Variants in TMEM163 observed in about 807,000 individuals in gnomAD.
TMEM163 encodes the protein transmembrane protein 163.
Under a neutral mutation model 29.3 loss-of-function variants are expected in TMEM163, and 17 were observed. The observed-to-expected ratio is 0.58, with a 90% CI of 0.40 to 0.87. TMEM163 has a LOEUF of 0.87. Ranked by LOEUF, TMEM163 falls within the 40% of genes least tolerant of loss-of-function variation. TMEM163 has a pLI of 0.00. For missense variants in TMEM163, 303 were observed against 381.5 expected (o/e 0.79, Z 1.71); for synonymous variants, 157 against 160.6 (o/e 0.98, Z 0.17).
intron 4 of TMEM163, among the ~76,000 whole-genome samples, chr2:134,519,751 C>T (rs1038603770): frequency 3.3e-5 from 5 of 151,048 alleles, no homozygotes; most frequent in African/African-American, 7.3e-5. Context: ...ATCCACCAGG[C>T]GTGGTGGTAT....
chr2:134,646,107 G>A (rs1018651550), intron 2 of TMEM163, among the ~76,000 whole-genome samples: 1 of 144,286 alleles, frequency 6.9e-6, no homozygotes, highest in Non-Finnish European at 1.5e-5. Flanking sequence ...TTTTTTTTTA[G>A]ACAGTCTCAC....
chr2:134,539,555 G>C (rs948575855), intron 4 of TMEM163, among the ~76,000 whole-genome samples: 2 of 152,168 alleles, frequency 1.3e-5, no homozygotes, highest in African/African-American at 4.8e-5. Flanking sequence ...AAGTATGCTT[G>C]ATATGATTAC....
At chr2:134,644,959 T>A (rs1683302070) in intron 2 of TMEM163, among the ~76,000 whole-genome samples, 1 of 152,110 alleles carries the variant, frequency 6.6e-6, no homozygotes, top group African/African-American at 2.4e-5. Context: ...TTAAAAGCCT[T>A]GAAAAGCCAC....
At chr2:134,690,589 C>T (rs192561635) in intron 2 of TMEM163, among the ~76,000 whole-genome samples, 8 of 152,282 alleles carry the variant, frequency 5.3e-5, no homozygotes, top group Non-Finnish European at 1.2e-4. Flanking sequence ...CAGCCTATAT[C>T]GGCAATTTAT....
chr2:134,577,811 G>T (rs182228237), intron 2 of TMEM163, among the ~76,000 whole-genome samples: 145 of 145,472 alleles, frequency 1.0e-3, no homozygotes, highest in Non-Finnish European at 2.1e-4. Flanking sequence ...GAAAACATGT[G>T]GGGGGGAAAA....
At chr2:134,478,428 C>G (rs957953118) in intron 5 of TMEM163, among the ~76,000 whole-genome samples, 2 of 152,118 alleles carry the variant, frequency 1.3e-5, no homozygotes, top group African/African-American at 2.4e-5. Context: ...GAAGGCCAGG[C>G]TGAAGAGGTC....
At chr2:134,686,827 G>A (rs1407094297) in intron 2 of TMEM163, among the ~76,000 whole-genome samples, 1 of 152,130 alleles carries the variant, frequency 6.6e-6, no homozygotes, top group Non-Finnish European at 1.5e-5. Flanking sequence ...GACAAAGGGC[G>A]ATTTATTACT....
At chr2:134,709,629 C>T (rs895277068) in intron 2 of TMEM163, among the ~76,000 whole-genome samples, 1 of 152,096 alleles carries the variant, frequency 6.6e-6, no homozygotes, top group African/African-American at 2.4e-5. Context: ...ACTTGTAAAC[C>T]GCAAATAAAA....
At chr2:134,525,986 G>A (rs974277269) in intron 4 of TMEM163, among the ~76,000 whole-genome samples, 2 of 152,234 alleles carry the variant, frequency 1.3e-5, no homozygotes, top group Non-Finnish European at 2.9e-5. Context: ...TCATCAGGCT[G>A]TTGGAAGGGA....
At chr2:134,509,045 G>C (rs377180687) in intron 4 of TMEM163, among the ~76,000 whole-genome samples, 1 of 152,252 alleles carries the variant, frequency 6.6e-6, no homozygotes, top group East Asian at 1.9e-4. Flanking sequence ...CACTTAGATA[G>C]GACTTTATTT....
At chr2:134,607,794 GA>G (rs1682407570) in intron 2 of TMEM163, among the ~76,000 whole-genome samples, 1 of 51,618 alleles carries the variant, frequency 1.9e-5, no homozygotes, top group Non-Finnish European at 3.8e-5. Flanking sequence ...CTGTACTGGT[GA>G]AAAGGAGGAC....
rs542655033 is a variant in TMEM163 at position 134,456,451 on chromosome 2, T to C, written c.*265A>G. The C allele has an allele frequency of 1.0e-5, 5 of 489,072 alleles. No individual in the cohort carries two copies. In the East Asian group the frequency reaches 1.4e-4, roughly 14 times the overall value. 30.3% of individuals were successfully genotyped at this position (489,072 alleles called of 1,614,324 possible). ...CTCATCCTACCCATGAGAACCATCA[T>C]ACTCCAGAGACTAAAAAACGCCAGT... On this transcript the variant is annotated 3_prime_UTR_variant, in exon 8 of 8. Coordinates refer to ENST00000281924, the MANE Select transcript of TMEM163 (RefSeq NM_030923.5).
chr2:134,574,961 T>A (rs1430928129), intron 2 of TMEM163, among the ~76,000 whole-genome samples: 2 of 146,368 alleles, frequency 1.4e-5, no homozygotes, highest in East Asian at 4.1e-4. Flanking sequence ...AAGGTCCCCG[T>A]GGTGTAGCAG....
At chr2:134,595,362 G>A (rs1331067032) in intron 2 of TMEM163, among the ~76,000 whole-genome samples, 1 of 152,072 alleles carries the variant, frequency 6.6e-6, no homozygotes, top group Non-Finnish European at 1.5e-5. Context: ...AGAGCATGCA[G>A]TGTTTGGTTT....
intron 2 of TMEM163, among the ~76,000 whole-genome samples, chr2:134,571,706 T>G (rs577941913): frequency 6.6e-6 from 1 of 152,288 alleles, no homozygotes; most frequent in South Asian, 2.1e-4. Flanking sequence ...AGGCATAAGC[T>G]TCCCAGAGTC....
chr2:134,667,390 G>A (rs1436334996), intron 2 of TMEM163, among the ~76,000 whole-genome samples: 1 of 152,212 alleles, frequency 6.6e-6, no homozygotes, highest in African/African-American at 2.4e-5. Flanking sequence ...GAGAGGCCAA[G>A]CTTTCTCTTC....
intron 4 of TMEM163, among the ~76,000 whole-genome samples, chr2:134,514,773 G>A (rs1680021902): frequency 6.6e-6 from 1 of 152,096 alleles, no homozygotes; most frequent in South Asian, 2.1e-4. Flanking sequence ...TATGGGACTT[G>A]GCCGTGTGAC....
At chr2:134,689,253 C>T (rs1250208243) in intron 2 of TMEM163, among the ~76,000 whole-genome samples, 3 of 151,882 alleles carry the variant, frequency 2.0e-5, no homozygotes, top group Admixed American at 6.6e-5. Flanking sequence ...GGATTACAGG[C>T]ATGCATCACC....
chr2:134,593,033 A>G (rs1437096146), intron 2 of TMEM163, among the ~76,000 whole-genome samples: 1 of 152,228 alleles, frequency 6.6e-6, no homozygotes, highest in African/African-American at 2.4e-5. Flanking sequence ...TATTGGGAAT[A>G]CAAGATAAGG....
Sources: allele counts gnomAD v4.1 joint callset (sites outside exome capture counted in the v4.1 genomes callset), GRCh38; gene constraint gnomAD v4.1.1; transcripts MANE v1.5; gene names NCBI Gene and HGNC (gene_info 2026-07-23, HGNC 2026-07-21).